GAB2: variants seen among roughly 807,000 people sequenced by gnomAD.
The protein encoded by GAB2 is GRB2 associated binding protein 2.
A neutral mutation model predicts 65.5 loss-of-function variants in GAB2; 26 were observed. The observed-to-expected ratio is 0.40, with a 90% CI of 0.29 to 0.55. The LOEUF (loss-of-function observed/expected upper bound fraction) is 0.55. Ranked by LOEUF, GAB2 falls within the 20% of genes least tolerant of loss-of-function variation. The pLI, the probability that GAB2 is intolerant of heterozygous loss-of-function variation, is 0.53. For missense variants in GAB2, 884 were observed against 875.8 expected, an observed-to-expected ratio of 1.01 and a Z score of -0.12; for synonymous variants, 321 against 329.6, an observed-to-expected ratio of 0.97 and a Z score of 0.28.
chr11:78,395,252 G>A (rs1188347910), intron 1 of GAB2, among the ~76,000 whole-genome samples: 4 of 152,352 alleles, frequency 2.6e-5, no homozygotes, highest in East Asian at 3.9e-4. Flanking sequence ...TCAGAAGTTC[G>A]AGACCATCCT....
At chr11:78,296,767 G>A (rs1401452462) in intron 1 of GAB2, among the ~76,000 whole-genome samples, 2 of 152,176 alleles carry the variant, frequency 1.3e-5, no homozygotes, top group African/African-American at 4.8e-5. Flanking sequence ...GGTCTGTTCA[G>A]GCTGGTAAAA....
chr11:78,307,650 A>G (rs1472748793), intron 1 of GAB2, among the ~76,000 whole-genome samples: 2 of 127,136 alleles, frequency 1.6e-5, no homozygotes, highest in Non-Finnish European at 3.2e-5. Context: ...GAGTCAAAAG[A>G]TACGATTTAA....
intron 3 of GAB2, among the ~76,000 whole-genome samples, chr11:78,243,202 T>C (rs945979407): frequency 6.6e-6 from 1 of 150,886 alleles, no homozygotes; most frequent in African/African-American, 2.4e-5. Context: ...GCATGGTGGC[T>C]CATGCCTGTA....
intron 1 of GAB2, among the ~76,000 whole-genome samples, chr11:78,319,480 G>A (rs753226970): frequency 6.6e-6 from 1 of 152,196 alleles, no homozygotes; most frequent in Non-Finnish European, 1.5e-5. Context: ...AAAAGTGGTA[G>A]AGTTTCTGTT....
chr11:78,290,229 T>C (rs1866621382), intron 1 of GAB2, among the ~76,000 whole-genome samples: 1 of 152,214 alleles, frequency 6.6e-6, no homozygotes, highest in African/African-American at 2.4e-5. Flanking sequence ...GAAAGTCACT[T>C]TACTTAACAG....
intron 1 of GAB2, among the ~76,000 whole-genome samples, chr11:78,353,652 G>A (rs938847402): frequency 6.6e-6 from 1 of 152,202 alleles, no homozygotes; most frequent in South Asian, 2.1e-4. Flanking sequence ...CTTGTGGCTA[G>A]TACAACTCAG....
At chr11:78,320,512 ATGTTCTAGAAAGATCACTC>A (rs1463538345) in intron 1 of GAB2, among the ~76,000 whole-genome samples, 4 of 152,260 alleles carry the variant, frequency 2.6e-5, no homozygotes, top group Admixed American at 2.6e-4. Flanking sequence ...GGCTGGATTT[ATGTTCTAGAAAGATCACTC>A]TGGCTGCTGT....
intron 2 of GAB2, among the ~76,000 whole-genome samples, chr11:78,272,679 T>C (rs916749548): frequency 1.3e-5 from 2 of 152,140 alleles, no homozygotes; most frequent in Admixed American, 1.3e-4. Context: ...TGAGGAGAAA[T>C]TCAAGCTGGC....
At chr11:78,297,961 TAAGAG>T (rs1866886324) in intron 1 of GAB2, among the ~76,000 whole-genome samples, 1 of 152,150 alleles carries the variant, frequency 6.6e-6, no homozygotes, top group African/African-American at 2.4e-5. Context: ...AATGGGCATA[TAAGAG>T]AAAAGATACA....
At chr11:78,291,736 A>ATT (rs543448369) in intron 1 of GAB2, among the ~76,000 whole-genome samples, 17 of 133,304 alleles carry the variant, frequency 1.3e-4, no homozygotes, top group African/African-American at 5.0e-4. Flanking sequence ...ATACCCAGTT[A>ATT]ATTTTTTTTT....
In GAB2 at chr11:78,352,123, G is replaced by T. The variant is rs1419720739; in HGVS notation, c.75+65523C>A. ...AGATACTTGGGAGGCTGAGGCAGGAGAATCACTTGAATCCGGGAGGCGGAG... is the reference window on the plus strand; with the variant it reads ...AGATACTTGGGAGGCTGAGGCAGGATAATCACTTGAATCCGGGAGGCGGAG... On this transcript the variant is annotated intron_variant, in intron 1 of 9. Coordinates refer to ENST00000361507, the MANE Select transcript of GAB2 (RefSeq NM_080491.3). Among the ~76,000 whole-genome samples the T allele has an allele frequency of 2.6e-5, 4 of 152,224 alleles. No individual in the cohort carries two copies. In the East Asian group the frequency reaches 7.7e-4, roughly 29 times the overall value.
chr11:78,232,880 G>C (rs973581963), intron 3 of GAB2, among the ~76,000 whole-genome samples: 1 of 152,076 alleles, frequency 6.6e-6, no homozygotes, highest in African/African-American at 2.4e-5. Flanking sequence ...AATCTTACAG[G>C]ATTACTTTGG....
intron 2 of GAB2, among the ~76,000 whole-genome samples, chr11:78,274,532 T>A (rs1374511674): frequency 6.6e-6 from 1 of 152,036 alleles, no homozygotes; most frequent in Non-Finnish European, 1.5e-5. Context: ...AAGCATGGGG[T>A]GAGAACAGAA....
intron 1 of GAB2, among the ~76,000 whole-genome samples, chr11:78,345,904 GTA>G (rs1286794757): frequency 6.6e-6 from 1 of 152,170 alleles, no homozygotes; most frequent in Non-Finnish European, 1.5e-5. Flanking sequence ...CAAGACAGAG[GTA>G]TAACTCTCCC....
chr11:78,391,102 C>G (rs73502944), intron 1 of GAB2, among the ~76,000 whole-genome samples: 4,178 of 152,178 alleles, frequency 0.027, 163 homozygotes, highest in African/African-American at 0.088. Flanking sequence ...AATGGCCAGC[C>G]TGGGCAAAAT....
intron 3 of GAB2, among the ~76,000 whole-genome samples, 187 bp downstream of exon 3, chr11:78,249,970 G>A (rs1203762243): frequency 6.6e-6 from 1 of 151,858 alleles, no homozygotes; most frequent in African/African-American, 2.4e-5. Context: ...TTATCACTGT[G>A]TAGCAACACA....
chr11:78,378,489 C>T (rs979533606), intron 1 of GAB2, among the ~76,000 whole-genome samples: 3 of 152,182 alleles, frequency 2.0e-5, no homozygotes, highest in Admixed American at 6.5e-5. Flanking sequence ...TCAGACTTTT[C>T]TGCAAGGTGC....
At chr11:78,250,492 G>A (rs982933714) in intron 2 of GAB2, 92 bp from the exon 3 acceptor site, 2 of 1,171,374 alleles carry the variant, frequency 1.7e-6, no homozygotes, top group African/African-American at 1.5e-5. Context: ...AAGAGTAAGA[G>A]CAGAGAAAAT....
chr11:78,222,492 C>T (rs1864478468), intron 6 of GAB2, among the ~76,000 whole-genome samples: 1 of 149,598 alleles, frequency 6.7e-6, no homozygotes, highest in East Asian at 1.9e-4. Flanking sequence ...CAATTTATGA[C>T]TTCATTTAAA....
Sources: gnomAD v4.1 joint callset for allele counts (sites outside exome capture counted in the v4.1 genomes callset) on GRCh38, gnomAD v4.1.1 for gene constraint, MANE v1.5 for transcripts, NCBI Gene and HGNC (gene_info 2026-07-23, HGNC 2026-07-21) for gene names.